Variants in TMEM242 observed in about 807,000 individuals in gnomAD.
TMEM242 encodes UPF0463 transmembrane protein C6orf35.
A neutral mutation model predicts 18.2 loss-of-function variants in TMEM242; 10 were observed. The observed-to-expected ratio is 0.55, with a 90% CI of 0.34 to 0.93. The LOEUF (loss-of-function observed/expected upper bound fraction) is 0.93. Ranked by LOEUF, TMEM242 falls within the 40% of genes least tolerant of loss-of-function variation. TMEM242 has a pLI of 0.02. For missense variants in TMEM242, 186 were observed against 175.5 expected, an observed-to-expected ratio of 1.06 and a Z score of -0.34; for synonymous variants, 57 against 69.9, an observed-to-expected ratio of 0.81 and a Z score of 0.92.
chr6:157,313,621 GCT>G (rs1778290221), intron 3 of TMEM242, among the ~76,000 whole-genome samples: 1 of 148,130 alleles, frequency 6.8e-6, no homozygotes, highest in African/African-American at 2.5e-5. Flanking sequence ...GCCCCAGTGT[GCT>G]CTCACCTAGC....
At chr6:157,309,720 TAAAAAAACAAATCA>T (rs1777966611) in intron 3 of TMEM242, among the ~76,000 whole-genome samples, 1 of 151,910 alleles carries the variant, frequency 6.6e-6, no homozygotes, top group South Asian at 2.1e-4. Flanking sequence ...GGCAAAGGGG[TAAAAAAACAAATCA>T]AAAACTCCCT....
intron 3 of TMEM242, among the ~76,000 whole-genome samples, chr6:157,294,374 G>C (rs782251765): frequency 2.3e-5 from 3 of 128,422 alleles, no homozygotes; most frequent in East Asian, 4.5e-4. Flanking sequence ...TTTTTGAGAC[G>C]GAGTCTGGCT....
At chr6:157,300,145 T>C in intron 3 of TMEM242, 4 of 584,724 alleles carry the variant, frequency 6.8e-6, no homozygotes, top group Non-Finnish European at 1.2e-5. Context: ...ACTCAAGAAA[T>C]GGAGGGAGAG....
chr6:157,310,941 T>G (rs1778027491), intron 3 of TMEM242, among the ~76,000 whole-genome samples: 1 of 152,218 alleles, frequency 6.6e-6, no homozygotes, highest in African/African-American at 2.4e-5. Context: ...CTCATCATAG[T>G]GCCCCAGTGT....
chr6:157,305,934 G>C lies in TMEM242; in HGVS notation c.327+12848C>G, dbSNP rs1268170329. Reference sequence around the variant, plus strand: ...GCAGTGACCACAGACAACTCTTTCGGGAAGCTTTTTGTGTAAAGGGGAGCA... The same window carrying C: ...GCAGTGACCACAGACAACTCTTTCGCGAAGCTTTTTGTGTAAAGGGGAGCA... On this transcript the variant is annotated intron_variant, in intron 3 of 3. Coordinates refer to ENST00000400788, the MANE Select transcript of TMEM242 (RefSeq NM_018452.6). This position sits in a 1 kb window ranked among gnomAD's most constrained non-coding sequence, Gnocchi z 4.1. Among the ~76,000 whole-genome samples, 1 of 152,174 alleles carries C rather than the reference G, an allele frequency of 6.6e-6. No individual in the cohort carries two copies. The highest frequency in any genetic ancestry group is 2.4e-5 in the African/African-American group (1 of 41,436).
At chr6:157,307,295 G>A (rs1377074617) in intron 3 of TMEM242, among the ~76,000 whole-genome samples, 5 of 152,102 alleles carry the variant, frequency 3.3e-5, no homozygotes, top group African/African-American at 1.2e-4. Flanking sequence ...GAATATTATC[G>A]AGGTGATGAA....
At chr6:157,299,289 A>G (rs1777793587) in intron 3 of TMEM242, 2 of 782,580 alleles carry the variant, frequency 2.6e-6, no homozygotes, top group Non-Finnish European at 4.7e-6. Flanking sequence ...TTTCATTTTA[A>G]TAATCTCATA....
intron 3 of TMEM242, among the ~76,000 whole-genome samples, chr6:157,312,757 T>TAGTGCCCCAGTGTGCGCTGACC (rs1778216142): frequency 4.5e-5 from 1 of 22,184 alleles, no homozygotes; most frequent in African/African-American, 1.9e-4. Context: ...TGGCCTCATC[T>TAGTGCCCCAGTGTGCGCTGACC]TACTGTCACA....
intron 3 of TMEM242, among the ~76,000 whole-genome samples, chr6:157,317,949 C>G (rs1554250493): frequency 6.6e-6 from 1 of 152,168 alleles, no homozygotes; most frequent in African/African-American, 2.4e-5. Context: ...AGGGTCCGGT[C>G]CACAGAACTT....
intron 3 of TMEM242, among the ~76,000 whole-genome samples, chr6:157,313,765 C>G (rs1217824174): frequency 2.1e-5 from 3 of 144,800 alleles, no homozygotes; most frequent in Non-Finnish European, 4.6e-5. Context: ...GTGCGCTCAC[C>G]TGGCCTAATC....
At chr6:157,295,278 C>T (rs1398207212) in intron 3 of TMEM242, among the ~76,000 whole-genome samples, 1 of 152,196 alleles carries the variant, frequency 6.6e-6, no homozygotes, top group African/African-American at 2.4e-5. Context: ...GTCTCCCTCC[C>T]CACTCCCTCT....
chr6:157,323,339 G>C (rs1345571732), intron 1 of TMEM242, 73 bp downstream of exon 1: 8 of 1,495,152 alleles, frequency 5.4e-6, no homozygotes, highest in Non-Finnish European at 7.4e-6. Context: ...GTGTGGGAAT[G>C]CCCGCTCCAG....
chr6:157,317,141 T>C (rs1554250410), intron 3 of TMEM242, among the ~76,000 whole-genome samples: 2 of 152,168 alleles, frequency 1.3e-5, no homozygotes, highest in African/African-American at 4.8e-5. Context: ...AAGTAAAAAC[T>C]TATCTCTTGA....
chr6:157,303,356 T>A (rs1302613456), intron 3 of TMEM242, among the ~76,000 whole-genome samples: 1 of 152,122 alleles, frequency 6.6e-6, no homozygotes, highest in African/African-American at 2.4e-5. Context: ...GTAAAATGGG[T>A]AGGTGGCACC....
intron 2 of TMEM242, 110 bp from the exon 3 acceptor site, chr6:157,319,029 T>A (rs1778453947): frequency 8.7e-7 from 1 of 1,148,594 alleles, no homozygotes. Flanking sequence ...ATTAGGAAGC[T>A]AAATCAACCC....
intron 3 of TMEM242, among the ~76,000 whole-genome samples, chr6:157,316,989 G>A (rs142387708): frequency 5.3e-5 from 8 of 152,282 alleles, no homozygotes; most frequent in African/African-American, 1.9e-4. Flanking sequence ...GTTTGTTTAC[G>A]ATTAAACTAA....
chr6:157,313,376 CTCAGTGTA>C (rs1562386221), intron 3 of TMEM242, among the ~76,000 whole-genome samples: 19 of 143,368 alleles, frequency 1.3e-4, no homozygotes, highest in Non-Finnish European at 1.7e-4. Flanking sequence ...ATCATAGTGC[CTCAGTGTA>C]CGCTCACCGG....
At chr6:157,307,535 C>A (rs2128413939) in intron 3 of TMEM242, among the ~76,000 whole-genome samples, 1 of 152,304 alleles carries the variant, frequency 6.6e-6, no homozygotes, top group South Asian at 2.1e-4. Flanking sequence ...TTAAACTGAG[C>A]AAGTCCCTGT....
rs587627217 is a variant in TMEM242 at position 157,317,144 on chromosome 6, T to C, written c.327+1638A>G. Among the ~76,000 whole-genome samples the C allele has an allele frequency of 5.9e-5, 9 of 152,292 alleles. No homozygotes were observed. The South Asian group carries it at 6.2e-4, about 11-fold the overall frequency. On this transcript the variant is annotated intron_variant, in intron 3 of 3. Coordinates refer to ENST00000400788, the MANE Select transcript of TMEM242 (RefSeq NM_018452.6). Reference sequence around the variant, plus strand: ...GTAAAATATAACAAGTAAAAACTTATCTCTTGATCCCATTCTTTTTTCCAG... The same window carrying C: ...GTAAAATATAACAAGTAAAAACTTACCTCTTGATCCCATTCTTTTTTCCAG...
Sources: gnomAD v4.1 joint callset for allele counts (sites outside exome capture counted in the v4.1 genomes callset) on GRCh38, gnomAD v4.1.1 for gene constraint, Gnocchi (gnomAD v3.1) non-coding constraint, MANE v1.5 for transcripts, NCBI Gene and HGNC (gene_info 2026-07-23, HGNC 2026-07-21) for gene names.